CNIH3: variants seen among roughly 807,000 people sequenced by gnomAD.
CNIH3 encodes protein cornichon homolog 3.
In CNIH3, 14 loss-of-function variants were observed where a neutral mutation model predicts 24.1. That is an observed-to-expected ratio of 0.58 (90% CI 0.38 to 0.91). CNIH3 has a LOEUF of 0.91. CNIH3 is among the 40% of genes least tolerant of loss of function. The pLI, the probability that CNIH3 is intolerant of heterozygous loss-of-function variation, is 0.00. For missense variants in CNIH3, 178 were observed against 196.8 expected (o/e 0.90, Z 0.57); for synonymous variants, 68 against 73.8 (o/e 0.92, Z 0.40).
At chr1:224,492,480 C>T (rs74146362) in intron 1 of CNIH3, among the ~76,000 whole-genome samples, 5,466 of 152,140 alleles carry the variant, frequency 0.036, 324 homozygotes, top group African/African-American at 0.12. Flanking sequence ...ACCTACATGA[C>T]GTAAAGGTGA....
At chr1:224,577,765 A>T (rs1025599615) in intron 4 of CNIH3, among the ~76,000 whole-genome samples, 1 of 152,248 alleles carries the variant, frequency 6.6e-6, no homozygotes, top group African/African-American at 2.4e-5. Context: ...ACACTTGCAC[A>T]TGCAGGTTTA....
intron 2 of CNIH3, among the ~76,000 whole-genome samples, chr1:224,542,789 G>A (rs712087): frequency 0.31 from 47,238 of 152,024 alleles, 9,920 homozygotes; most frequent in African/African-American, 0.6. Context: ...CAACCCCTCC[G>A]TATAGTAGCT....
At chr1:224,481,574 CTCT>C (rs958198299) in intron 1 of CNIH3, among the ~76,000 whole-genome samples, 21 of 152,164 alleles carry the variant, frequency 1.4e-4, no homozygotes, top group Non-Finnish European at 2.9e-5. Context: ...CAGGTAGAGA[CTCT>C]TCTTCTCTTC....
chr1:224,668,921 G>A (rs561734422), intron 1 of CNIH3, among the ~76,000 whole-genome samples: 1 of 151,732 alleles, frequency 6.6e-6, no homozygotes, highest in African/African-American at 2.4e-5. Flanking sequence ...CTGGTGGAGC[G>A]GGGGGATTCT....
At chr1:224,694,824 A>G (rs2125164437) in intron 3 of CNIH3, among the ~76,000 whole-genome samples, 1 of 152,314 alleles carries the variant, frequency 6.6e-6, no homozygotes. Flanking sequence ...ATTCTAAGTG[A>G]AGAAACTCAG....
At chr1:224,702,672 G>T (rs1180023152) in intron 3 of CNIH3, among the ~76,000 whole-genome samples, 1 of 152,158 alleles carries the variant, frequency 6.6e-6, no homozygotes, top group Non-Finnish European at 1.5e-5. Flanking sequence ...TAAAACCCAA[G>T]GATCCAGATG....
chr1:224,636,643 A>G (rs1202644730), intron 1 of CNIH3, among the ~76,000 whole-genome samples: 1 of 152,216 alleles, frequency 6.6e-6, no homozygotes, highest in Non-Finnish European at 1.5e-5. Context: ...AGTCAAGTAA[A>G]GTTTGGTGTA....
At chr1:224,705,493 C>G (rs375008335) in intron 3 of CNIH3, among the ~76,000 whole-genome samples, 28 of 152,230 alleles carry the variant, frequency 1.8e-4, no homozygotes, top group East Asian at 1.3e-3. Flanking sequence ...TGATCAATAC[C>G]TTTTCTGGTG....
intron 3 of CNIH3, among the ~76,000 whole-genome samples, chr1:224,549,783 A>G (rs1679841890): frequency 6.6e-6 from 1 of 152,114 alleles, no homozygotes; most frequent in South Asian, 2.1e-4. Flanking sequence ...CAGAGTGATG[A>G]TGTTTCATTA....
chr1:224,435,024 TGC>T (rs1674584604), intron 1 of CNIH3: 1 of 985,384 alleles, frequency 1.0e-6, no homozygotes, highest in African/African-American at 1.7e-5. Flanking sequence ...CCTTTCCCCT[TGC>T]GCCCTGGCTC....
intron 1 of CNIH3, among the ~76,000 whole-genome samples, chr1:224,496,084 T>C (rs1359865312): frequency 2.0e-5 from 3 of 152,196 alleles, no homozygotes; most frequent in African/African-American, 7.2e-5. Flanking sequence ...CCCCTTGTCC[T>C]CCCAGCTGCA....
At chr1:224,484,318 TA>T (rs1676942897) in intron 1 of CNIH3, among the ~76,000 whole-genome samples, 1 of 151,850 alleles carries the variant, frequency 6.6e-6, no homozygotes. Context: ...TAGTCCCAGC[TA>T]CTGGGGCGGC....
At chr1:224,720,070 T>C (rs1307251926) in intron 3 of CNIH3, among the ~76,000 whole-genome samples, 1 of 152,166 alleles carries the variant, frequency 6.6e-6, no homozygotes, top group Non-Finnish European at 1.5e-5. Flanking sequence ...CCCCTGTATG[T>C]GCACTCAGTA....
chr1:224,482,961 A>G (rs1407703225), intron 1 of CNIH3, among the ~76,000 whole-genome samples: 6 of 152,080 alleles, frequency 3.9e-5, no homozygotes, highest in African/African-American at 1.4e-4. Flanking sequence ...GTTGATCTAA[A>G]TCATCCCTCC....
At chr1:224,637,790 G>C (rs1558239640) in intron 1 of CNIH3, among the ~76,000 whole-genome samples, 1 of 152,108 alleles carries the variant, frequency 6.6e-6, no homozygotes, top group Non-Finnish European at 1.5e-5. Flanking sequence ...CTGTCTTCTT[G>C]GGTGGCCTCT....
At chr1:224,437,755 G>A (rs1171667021) in intron 1 of CNIH3, among the ~76,000 whole-genome samples, 8 of 152,138 alleles carry the variant, frequency 5.3e-5, no homozygotes, top group African/African-American at 1.4e-4. Flanking sequence ...ACAGACACAT[G>A]TCTATGCTTT....
chr1:224,701,197 CTT>C (rs758489061), intron 3 of CNIH3, among the ~76,000 whole-genome samples: 139 of 133,238 alleles, frequency 1.0e-3, no homozygotes, highest in Admixed American at 1.1e-3. Context: ...GGCTCGGGTT[CTT>C]TTTTTTTTTT....
intron 1 of CNIH3, among the ~76,000 whole-genome samples, chr1:224,658,897 A>G (rs1685218999): frequency 6.6e-6 from 1 of 152,228 alleles, no homozygotes; most frequent in South Asian, 2.1e-4. Context: ...ATTTTAATCA[A>G]TTTGACGTTT....
At chr1:224,654,202 C>A (rs555720254) in intron 1 of CNIH3, among the ~76,000 whole-genome samples, 1 of 151,848 alleles carries the variant, frequency 6.6e-6, no homozygotes. Context: ...CCCAACATGG[C>A]GAAACCCCTG....
Sources: allele counts gnomAD v4.1 joint callset (sites outside exome capture counted in the v4.1 genomes callset), GRCh38; gene constraint gnomAD v4.1.1; transcripts MANE v1.5; gene names NCBI Gene and HGNC (gene_info 2026-07-23, HGNC 2026-07-21).